The following CNTNAP2 variants were observed in gnomAD, a reference collection of about 807,000 sequenced individuals.
The protein encoded by CNTNAP2 is contactin-associated protein-like 2.
CNTNAP2 carries 98 observed loss-of-function variants against 155.2 expected under a neutral mutation model. The observed-to-expected ratio is 0.63, with a 90% CI of 0.54 to 0.75. The LOEUF is 0.75. Ranked by LOEUF, CNTNAP2 falls within the 30% of genes least tolerant of loss-of-function variation. The pLI is 0.00. For synonymous variants in CNTNAP2, 651 were observed against 631.2 expected (o/e 1.03, Z -0.47); for missense variants, 1,727 against 1,688.1 (o/e 1.02, Z -0.40).
rs1354876817 is a variant in CNTNAP2, at chr7:147,700,988, G to T, written c.2098+61682G>T. On this transcript the variant is annotated intron_variant, in intron 13 of 23. Transcript: ENST00000361727. ...CTGTGAAATCTGAAGCTAAGAGGAT[G>T]GATGGCATTTAGTTGAGTGCATTCC... 3.9e-5 allele frequency among the ~76,000 whole-genome samples: 6 copies of T among 152,138 alleles called. No individual in the cohort carries two copies. In the East Asian group the frequency reaches 7.7e-4, roughly 20 times the overall value.
chr7:146,923,350 A>G (rs1422408395), intron 3 of CNTNAP2, among the ~76,000 whole-genome samples: 1 of 152,140 alleles, frequency 6.6e-6, no homozygotes, highest in Non-Finnish European at 1.5e-5. Flanking sequence ...GTTTGTAAGA[A>G]ACATCAAGAT....
At chr7:147,729,271 A>G (rs1796696088) in intron 13 of CNTNAP2, among the ~76,000 whole-genome samples, 2 of 151,882 alleles carry the variant, frequency 1.3e-5, no homozygotes, top group East Asian at 3.9e-4. Context: ...ATTTAGCCTT[A>G]TCTCACCTCA....
intron 1 of CNTNAP2, among the ~76,000 whole-genome samples, chr7:146,454,642 G>A (rs996644375): frequency 6.6e-6 from 1 of 151,790 alleles, no homozygotes; most frequent in African/African-American, 2.4e-5. Context: ...AGGTATACAT[G>A]AATACTGTAT....
chr7:148,415,482 C>G lies in CNTNAP2; in HGVS notation c.3862C>G (p.Arg1288Gly), dbSNP rs138661307. 3.1e-6 allele frequency: 5 copies of G among 1,614,084 alleles called. No homozygotes were observed. In the African/African-American group the frequency reaches 6.7e-5, roughly 22 times the overall value. Residue 1288 changes from arginine to glycine, a missense_variant, in exon 24 of 24, where the codon CGC becomes GGC. Coordinates refer to ENST00000361727, the MANE Select transcript of CNTNAP2 (RefSeq NM_014141.6). ...TLVFLIRYMF[R>G]HKGTYHTNEA... is the part of the protein sequence containing the mutation. Reference sequence around the variant, plus strand: ...GGTCTTCCTGATCCGGTACATGTTCCGCCACAAGGGCACCTACCATACCAA... The same window carrying G: ...GGTCTTCCTGATCCGGTACATGTTCGGCCACAAGGGCACCTACCATACCAA...
intron 1 of CNTNAP2, among the ~76,000 whole-genome samples, chr7:146,139,249 A>G (rs1344417652): frequency 6.6e-6 from 1 of 152,134 alleles, no homozygotes; most frequent in Non-Finnish European, 1.5e-5. Context: ...TTTCTACCGA[A>G]TGAGTATTGC....
intron 13 of CNTNAP2, among the ~76,000 whole-genome samples, chr7:147,743,683 CAT>C (rs1271260513): frequency 1.1e-5 from 1 of 89,456 alleles, no homozygotes; most frequent in Non-Finnish European, 2.2e-5. Context: ...CCTGACCTCT[CAT>C]ATTTTTTGTG....
chr7:147,387,089 C>T (rs982157970), intron 9 of CNTNAP2, among the ~76,000 whole-genome samples: 2 of 151,964 alleles, frequency 1.3e-5, no homozygotes, highest in African/African-American at 2.4e-5. Context: ...CAGGAAAGAC[C>T]CACCCCCATG....
chr7:146,379,395 G>A (rs544598432), intron 1 of CNTNAP2, among the ~76,000 whole-genome samples: 59 of 152,106 alleles, frequency 3.9e-4, no homozygotes, highest in Admixed American at 1.4e-3. Context: ...GTGCATCTGC[G>A]GTCAAATTCC....
intron 9 of CNTNAP2, among the ~76,000 whole-genome samples, chr7:147,335,815 C>T (rs531681904): frequency 6.6e-6 from 1 of 151,938 alleles, no homozygotes; most frequent in African/African-American, 2.4e-5. Context: ...CCTTATTATT[C>T]CCAACAGGCA....
At chr7:147,093,476 A>T (rs1584836135) in intron 4 of CNTNAP2, among the ~76,000 whole-genome samples, 1 of 152,142 alleles carries the variant, frequency 6.6e-6, no homozygotes, top group African/African-American at 2.4e-5. Context: ...TATTGATAGT[A>T]ATTATGTGCT....
At chr7:146,142,812 G>A (rs1797899448) in intron 1 of CNTNAP2, among the ~76,000 whole-genome samples, 1 of 152,102 alleles carries the variant, frequency 6.6e-6, no homozygotes, top group African/African-American at 2.4e-5. Flanking sequence ...GAGACAGGAA[G>A]GAAAGTGTTT....
intron 1 of CNTNAP2, among the ~76,000 whole-genome samples, chr7:146,169,827 T>C (rs1798362986): frequency 6.6e-6 from 1 of 151,466 alleles, no homozygotes; most frequent in Non-Finnish European, 1.5e-5. Flanking sequence ...AATAATATTT[T>C]ATTATATATA....
rs115838040 is a variant in CNTNAP2, at chr7:148,033,965, A to C, written c.2383+55976A>C. Among the ~76,000 whole-genome samples the C allele has an allele frequency of 8.3e-3, 1,270 of 152,278 alleles. 16 individuals carry two copies. Among genetic ancestry groups the C allele is most frequent in the African/African-American group, 0.029 (1,215 of 41,540 alleles). Reference sequence around the variant, plus strand: ...GCCAGTGATCATCAAACATTAGAGAAAGCATTCACCGTGACAGAGGCAGGA... The same window carrying C: ...GCCAGTGATCATCAAACATTAGAGACAGCATTCACCGTGACAGAGGCAGGA... On this transcript the variant is annotated intron_variant, in intron 15 of 23. Transcript: ENST00000361727.
At chr7:147,804,984 G>A (rs1347884689) in intron 13 of CNTNAP2, among the ~76,000 whole-genome samples, 2 of 152,184 alleles carry the variant, frequency 1.3e-5, no homozygotes, top group East Asian at 3.8e-4. Context: ...GTTATCCTCT[G>A]AGGCAGAATA....
intron 4 of CNTNAP2, among the ~76,000 whole-genome samples, chr7:147,055,510 C>G (rs1799545026): frequency 6.6e-6 from 1 of 152,104 alleles, no homozygotes; most frequent in Non-Finnish European, 1.5e-5. Flanking sequence ...GGATTCCTGT[C>G]CTGGGGTTAT....
intron 13 of CNTNAP2, among the ~76,000 whole-genome samples, chr7:147,650,554 A>G (rs1795434392): frequency 1.3e-5 from 2 of 152,130 alleles, no homozygotes; most frequent in African/African-American, 2.4e-5. Flanking sequence ...TAGTAAACGT[A>G]TGTTCTCTTC....
intron 12 of CNTNAP2, among the ~76,000 whole-genome samples, chr7:147,614,115 G>T (rs539038223): frequency 6.6e-6 from 1 of 152,270 alleles, no homozygotes; most frequent in Non-Finnish European, 1.5e-5. Flanking sequence ...GGCTGTGCCT[G>T]TACCAAACCT....
At chr7:146,339,853 G>A (rs188986275) in intron 1 of CNTNAP2, among the ~76,000 whole-genome samples, 4 of 152,210 alleles carry the variant, frequency 2.6e-5, no homozygotes, top group Non-Finnish European at 4.4e-5. Context: ...CCTCCTCGGA[G>A]TAATATAATG....
intron 3 of CNTNAP2, among the ~76,000 whole-genome samples, chr7:146,912,406 A>G (rs1205350011): frequency 6.6e-6 from 1 of 152,008 alleles, no homozygotes; most frequent in Non-Finnish European, 1.5e-5. Flanking sequence ...TAATTGGAAA[A>G]TTACATTTTT....
Sources: allele counts gnomAD v4.1 joint callset (sites outside exome capture counted in the v4.1 genomes callset), GRCh38; gene constraint gnomAD v4.1.1; transcripts MANE v1.5; gene names NCBI Gene and HGNC (gene_info 2026-07-23, HGNC 2026-07-21).